Variants in CFAP20DC observed in about 807,000 individuals in gnomAD.
The protein encoded by CFAP20DC is protein CFAP20DC.
CFAP20DC carries 84 observed loss-of-function variants against 101.7 expected under a neutral mutation model. That is an observed-to-expected ratio of 0.83 (90% CI 0.69 to 0.99). CFAP20DC has a LOEUF of 0.99. Among genes scored for constraint, CFAP20DC ranks in the 50% least tolerant of loss-of-function variants. The pLI, the probability that CFAP20DC is intolerant of heterozygous loss-of-function variation, is 0.00. For synonymous variants in CFAP20DC, 359 were observed against 351.2 expected (o/e 1.02, Z -0.25); for missense variants, 1,007 against 970.3 (o/e 1.04, Z -0.50).
Position 58,971,848 on chromosome 3 carries a change from C to T in CFAP20DC, c.279-34086G>A, listed in dbSNP as rs1482213685. On this transcript the variant is annotated intron_variant, in intron 4 of 16. Coordinates refer to ENST00000482387, the MANE Select transcript of CFAP20DC (RefSeq NM_001394063.1). This position sits in a 1 kb window ranked among gnomAD's most constrained non-coding sequence, Gnocchi z 4.1. Reference sequence around the variant, plus strand: ...CTTGTGGGAAAAAGGACTGTAATATCATACACACGCACACATACACACACA... The same window carrying T: ...CTTGTGGGAAAAAGGACTGTAATATTATACACACGCACACATACACACACA... Among the ~76,000 whole-genome samples the T allele has an allele frequency of 6.8e-6, 1 of 147,598 alleles. No homozygotes were observed. Among genetic ancestry groups the T allele is most frequent in the African/African-American group, 2.6e-5 (1 of 38,266 alleles).
intron 6 of CFAP20DC, among the ~76,000 whole-genome samples, chr3:58,908,517 T>A (rs1489074836): frequency 6.6e-6 from 1 of 152,204 alleles, no homozygotes; most frequent in Non-Finnish European, 1.5e-5. Flanking sequence ...CCGGTGAGAA[T>A]GTGGAGTAAT....
intron 15 of CFAP20DC, among the ~76,000 whole-genome samples, chr3:58,797,928 A>G (rs1280846452): frequency 1.3e-5 from 2 of 152,190 alleles, no homozygotes; most frequent in African/African-American, 4.8e-5. Flanking sequence ...AGCACAGTAT[A>G]CTGAATATCT....
In CFAP20DC at chr3:58,854,169, C is replaced by T. The variant is rs540859537; in HGVS notation, c.1594-4760G>A. Among the ~76,000 whole-genome samples the T allele has an allele frequency of 5.9e-5, 9 of 152,146 alleles. No homozygotes were observed. The East Asian group carries it at 1.7e-3, about 29-fold the overall frequency. On this transcript the variant is annotated intron_variant, in intron 12 of 16. Transcript: ENST00000482387. ...ATACAAAATCAATGTACAAAAATCACAAGCATTCTGATACACCAACAACAG... is the reference window on the plus strand; with the variant it reads ...ATACAAAATCAATGTACAAAAATCATAAGCATTCTGATACACCAACAACAG...
intron 4 of CFAP20DC, among the ~76,000 whole-genome samples, chr3:59,031,921 G>C (rs1176228714): frequency 6.6e-6 from 1 of 152,126 alleles, no homozygotes; most frequent in Non-Finnish European, 1.5e-5. Flanking sequence ...GGCTGAATAG[G>C]AACAGCTCTG....
rs938763842 is a variant in CFAP20DC, at chr3:58,759,058, T to G, written c.2238-5195A>C. On this transcript the variant is annotated intron_variant, in intron 15 of 16. Transcript: ENST00000482387. The stretch of plus-strand genomic sequence containing the variant: ...AGTCCTTTGGGTATATACCCAGTAA[T>G]GGGATGGTTGGGTCAAATGGTATTT... Among the ~76,000 whole-genome samples, 21 of 152,220 alleles carry G rather than the reference T, an allele frequency of 1.4e-4. 1 individual carries two copies. The highest frequency in any genetic ancestry group is 4.1e-4 in the South Asian group (2 of 4,830).
chr3:58,997,323 T>C (rs982459406), intron 4 of CFAP20DC, among the ~76,000 whole-genome samples: 8 of 152,190 alleles, frequency 5.3e-5, no homozygotes, highest in African/African-American at 1.9e-4. Context: ...GAAGCACAAA[T>C]GTTAAACATA....
intron 11 of CFAP20DC, among the ~76,000 whole-genome samples, chr3:58,865,048 A>G (rs2079564158): frequency 6.6e-6 from 1 of 151,712 alleles, no homozygotes; most frequent in Non-Finnish European, 1.5e-5. Flanking sequence ...CTTCTTTAGA[A>G]TGACAGTAGG....
intron 14 of CFAP20DC, among the ~76,000 whole-genome samples, chr3:58,808,742 A>G (rs1185826013): frequency 2.6e-5 from 4 of 152,228 alleles, no homozygotes; most frequent in African/African-American, 7.2e-5. Context: ...AATGGACTAA[A>G]TGCTCCAATT....
chr3:58,760,705 T>A (rs1250684022), intron 15 of CFAP20DC, among the ~76,000 whole-genome samples: 1 of 152,214 alleles, frequency 6.6e-6, no homozygotes, highest in Non-Finnish European at 1.5e-5. Context: ...TTGAGATACA[T>A]CCCAGCAATA....
rs2093331442 is a variant in CFAP20DC at position 59,002,227 on chromosome 3, A to T, written c.278+37330T>A. On this transcript the variant is annotated intron_variant, in intron 4 of 16. Transcript: ENST00000482387. The surrounding 1 kb of genome is among the most constrained non-coding windows in gnomAD (Gnocchi z 4.5). ...AGGGGAATAAATACCTCTTACTCCC[A>T]GTAGTTGAGGATATGATAAGATGAG... Among the ~76,000 whole-genome samples, 1 of 152,218 alleles carries T rather than the reference A, an allele frequency of 6.6e-6. No homozygotes were observed. The highest frequency in any genetic ancestry group is 2.4e-5 in the African/African-American group (1 of 41,462).
At chr3:58,878,423 G>A (rs1409735856) in intron 7 of CFAP20DC, among the ~76,000 whole-genome samples, 1 of 152,076 alleles carries the variant, frequency 6.6e-6, no homozygotes, top group Non-Finnish European at 1.5e-5. Flanking sequence ...ATAAAGCACA[G>A]GATATTGCTT....
intron 5 of CFAP20DC, among the ~76,000 whole-genome samples, chr3:58,916,684 G>A (rs1341073265): frequency 6.6e-6 from 1 of 152,094 alleles, no homozygotes; most frequent in Non-Finnish European, 1.5e-5. Context: ...GAAAACAGAT[G>A]GGGGTGGTTT....
chr3:59,039,510 A>T, intron 4 of CFAP20DC, 47 bp downstream of exon 4: 1 of 1,159,280 alleles, frequency 8.6e-7, no homozygotes, highest in East Asian at 2.6e-5. Context: ...CAATTGATCA[A>T]ATGTCTAATA....
intron 6 of CFAP20DC, among the ~76,000 whole-genome samples, chr3:58,890,789 G>A: frequency 6.6e-6 from 1 of 150,540 alleles, no homozygotes; most frequent in South Asian, 2.1e-4. Context: ...CCCAGATGGG[G>A]CGGCGGGGCA....
intron 5 of CFAP20DC, among the ~76,000 whole-genome samples, chr3:58,927,614 C>T (rs1393963276): frequency 1.3e-5 from 2 of 152,150 alleles, no homozygotes; most frequent in Non-Finnish European, 1.5e-5. Flanking sequence ...CGTGAAATTT[C>T]CTGATTTATA....
intron 5 of CFAP20DC, among the ~76,000 whole-genome samples, chr3:58,935,551 G>A (rs1352714318): frequency 6.6e-6 from 1 of 151,998 alleles, no homozygotes. Context: ...AACCAAAACA[G>A]CATGGTACTG....
chr3:58,755,658 A>G (rs1423775977), intron 15 of CFAP20DC, among the ~76,000 whole-genome samples: 1 of 152,188 alleles, frequency 6.6e-6, no homozygotes, highest in Non-Finnish European at 1.5e-5. Flanking sequence ...AGCTATGAAA[A>G]ATACAGGGCT....
intron 4 of CFAP20DC, among the ~76,000 whole-genome samples, chr3:59,010,719 T>C (rs1348540864): frequency 6.6e-6 from 1 of 152,170 alleles, no homozygotes; most frequent in Non-Finnish European, 1.5e-5. Context: ...ATTTCACAGA[T>C]ATTTACAGAA....
intron 5 of CFAP20DC, among the ~76,000 whole-genome samples, chr3:58,918,902 A>G (rs1249159260): frequency 6.6e-6 from 1 of 152,212 alleles, no homozygotes; most frequent in African/African-American, 2.4e-5. Flanking sequence ...GCAAACACTT[A>G]TAAAAGTACC....
Sources: allele counts gnomAD v4.1 joint callset (sites outside exome capture counted in the v4.1 genomes callset), GRCh38; gene constraint gnomAD v4.1.1; non-coding constraint Gnocchi (gnomAD v3.1); transcripts MANE v1.5; gene names NCBI Gene and HGNC (gene_info 2026-07-23, HGNC 2026-07-21).